Variants in LRRC47 observed in about 807,000 individuals in gnomAD.
LRRC47 encodes leucine-rich repeat-containing protein 47.
In LRRC47, 31 loss-of-function variants were observed where a neutral mutation model predicts 40.9. The ratio of observed to expected loss-of-function variants is 0.76; its 90% CI spans 0.57 to 1.02. The LOEUF (loss-of-function observed/expected upper bound fraction) is 1.02, where lower values mean the gene tolerates loss of function less well. Among genes scored for constraint, LRRC47 ranks in the 50% least tolerant of loss-of-function variants. The pLI, the probability that LRRC47 is intolerant of heterozygous loss-of-function variation, is 0.00. For synonymous variants in LRRC47, 427 were observed against 371.9 expected (o/e 1.15, Z -1.70); for missense variants, 726 against 796.1 (o/e 0.91, Z 1.06).
At chr1:3,792,852 G>C (rs1293290788) in intron 1 of LRRC47, among the ~76,000 whole-genome samples, 1 of 152,220 alleles carries the variant, frequency 6.6e-6, no homozygotes, top group Admixed American at 6.5e-5. Flanking sequence ...ACAATGTTAA[G>C]ATACATGCCT....
chr1:3,786,462 C>T (rs577657232), intron 2 of LRRC47, among the ~76,000 whole-genome samples: 9 of 152,098 alleles, frequency 5.9e-5, no homozygotes, highest in East Asian at 1.9e-4. Context: ...ACTGCGCCAC[C>T]GTACTCCAGC....
intron 4 of LRRC47, chr1:3,783,773 C>T (rs533883620): frequency 1.1e-4 from 59 of 553,392 alleles, no homozygotes; most frequent in Middle Eastern, 9.7e-4. Flanking sequence ...CCAATACCTC[C>T]GCTCCTAACA....
intron 1 of LRRC47, 62 bp downstream of exon 1, chr1:3,795,800 G>A: frequency 1.4e-6 from 2 of 1,451,274 alleles, no homozygotes; most frequent in Non-Finnish European, 1.8e-6. Flanking sequence ...CCCCGAGAGG[G>A]GTTCCTTCTC....
At chr1:3,792,276 A>G (rs1643633515) in intron 1 of LRRC47, among the ~76,000 whole-genome samples, 1 of 152,222 alleles carries the variant, frequency 6.6e-6, no homozygotes, top group South Asian at 2.1e-4. Context: ...TCCAAGAAAC[A>G]GGTCTCCTGA....
At position 3,796,108 on chromosome 1, in the gene LRRC47, G is replaced by A. The variant is rs1051737882; in HGVS notation, c.369C>T (p.Ala123=). Residue 123 remains alanine (A), a synonymous_variant, in exon 1 of 7, where the codon GCC becomes GCT. Transcript: ENST00000378251. ...GCAGCTGCGGAAGGCCCGGCGGCTCGGCGGGGCCCAGGCCTTGGCCCGGCG... is the reference window on the plus strand; with the variant it reads ...GCAGCTGCGGAAGGCCCGGCGGCTCAGCGGGGCCCAGGCCTTGGCCCGGCG... ...ALPPGQGLGP[A]EPPGLPQLQS... is the part of the protein sequence containing the mutation. 4 of 1,463,416 alleles carry A rather than the reference G, an allele frequency of 2.7e-6. No individual in the cohort carries two copies. The highest frequency in any genetic ancestry group is 1.5e-5 in the African/African-American group (1 of 67,712). The allele number at this position is 1,463,416 out of a possible 1,614,324, so 90.7% of individuals were successfully genotyped here. A position where few individuals can be genotyped will look rare whatever the true frequency, so the allele number is the denominator to read the frequency against.
intron 3 of LRRC47, 188 bp from the exon 4 acceptor site, chr1:3,784,299 C>T (rs1643549849): frequency 1.0e-5 from 6 of 584,324 alleles, no homozygotes; most frequent in Admixed American, 5.9e-5. Context: ...TGCAGCGTCC[C>T]GGGGAGACCT....
rs183621935 is a variant in LRRC47 at position 3,790,718 on chromosome 1, G to C, written c.616-3408C>G. Among the ~76,000 whole-genome samples, 409 of 152,366 alleles carry C rather than the reference G, an allele frequency of 2.7e-3. 2 individuals are homozygous for C. The highest frequency in any genetic ancestry group is 9.4e-3 in the African/African-American group (390 of 41,588). The stretch of plus-strand genomic sequence containing the variant: ...ACTGCTGAGGCCATAGGACAGCAGA[G>C]GCCTCGTCCCCAGTGGCTGGGAGGA... On this transcript the variant is annotated intron_variant, in intron 1 of 6. Transcript: ENST00000378251.
chr1:3,782,080 C>T (rs1339346050), intron 5 of LRRC47, among the ~76,000 whole-genome samples: 5 of 152,176 alleles, frequency 3.3e-5, no homozygotes, highest in African/African-American at 2.4e-5. Flanking sequence ...CACGCAGCAC[C>T]GAGCATGAAC....
intron 3 of LRRC47, 50 bp from the exon 4 acceptor site, chr1:3,784,161 C>T (rs376296720): frequency 4.4e-5 from 66 of 1,498,618 alleles, no homozygotes; most frequent in South Asian, 7.1e-5. Context: ...CCACAGAACT[C>T]GCCCATCGTG....
In LRRC47 at chr1:3,785,453, T is replaced by G. The variant is rs187751852; in HGVS notation, c.1078-250A>C. On this transcript the variant is annotated intron_variant, in intron 2 of 6. Transcript: ENST00000378251. ...CCTATCAATCAGCAGACTTTCTTCC[T>G]TCTCTAATTCTGACATAATATTTGA... The G allele has an allele frequency of 1.6e-4, 32 of 204,454 alleles. No individual in the cohort carries two copies. The South Asian group carries it at 3.1e-3, about 20-fold the overall frequency. 12.7% of individuals were successfully genotyped at this position (204,454 alleles called of 1,614,324 possible).
chr1:3,782,525 C>T (rs914784459), intron 5 of LRRC47, 136 bp downstream of exon 5: 29 of 650,562 alleles, frequency 4.5e-5, no homozygotes, highest in Non-Finnish European at 8.0e-5. Context: ...AACTCCTGAC[C>T]TCAGGTGATC....
At position 3,786,938 on chromosome 1, in the gene LRRC47, G is replaced by A. The variant is rs542812217; in HGVS notation, c.988C>T (p.Arg330Trp). Residue 330 changes from arginine (R) to tryptophan (W), a missense_variant, in exon 2 of 7, where the codon CGG (arginine) becomes TGG (tryptophan). Arg to Trp is a moderately radical substitution (Grantham distance 101). Coordinates refer to ENST00000378251, the MANE Select transcript of LRRC47 (RefSeq NM_020710.3). ...CCCACAATGTAGGGCCGCACATCCCGGACCTCGGGGCTCACTCTGACTGTC... is the reference window on the plus strand; with the variant it reads ...CCCACAATGTAGGGCCGCACATCCCAGACCTCGGGGCTCACTCTGACTGTC... ...PLTVRVSPEVRDVRPYIVGAV... is the reference protein window; with the variant it reads ...PLTVRVSPEVWDVRPYIVGAV... 58 of 1,608,840 alleles carry A rather than the reference G, an allele frequency of 3.6e-5. 1 individual carries two copies. Among genetic ancestry groups the A allele is most frequent in the African/African-American group, 6.7e-5 (5 of 74,884 alleles).
chr1:3,792,316 G>A (rs1050856115), intron 1 of LRRC47, among the ~76,000 whole-genome samples: 2 of 152,146 alleles, frequency 1.3e-5, no homozygotes, highest in Non-Finnish European at 1.5e-5. Context: ...TAAAATTTAC[G>A]AACAGAATGG....
intron 3 of LRRC47, 38 bp downstream of exon 3, chr1:3,785,047 GGA>G: frequency 6.8e-7 from 1 of 1,475,980 alleles, no homozygotes; most frequent in East Asian, 2.5e-5. Flanking sequence ...TCGACACCAA[GGA>G]GACTCTTCAG....
At chr1:3,790,612 C>T (rs758134542) in intron 1 of LRRC47, among the ~76,000 whole-genome samples, 9 of 152,246 alleles carry the variant, frequency 5.9e-5, no homozygotes, top group African/African-American at 2.2e-4. Flanking sequence ...GAGGGCCGGC[C>T]GGGTGCTCTC....
intron 1 of LRRC47, 73 bp from the exon 2 acceptor site, chr1:3,787,383 A>AG (rs1305857814): frequency 2.1e-5 from 30 of 1,419,334 alleles, no homozygotes; most frequent in Non-Finnish European, 2.5e-5. Context: ...CTCGAGAGGC[A>AG]GGGAGACCAC....
At position 3,796,382 on chromosome 1, in the gene LRRC47, T is replaced by C; in HGVS notation, c.95A>G (p.Glu32Gly). 6.6e-7 allele frequency: 1 copy of C among 1,514,104 alleles called. No individual in the cohort carries two copies. The highest frequency in any genetic ancestry group is 8.8e-7 in the Non-Finnish European group (1 of 1,138,958). The allele number at this position is 1,514,104 out of a possible 1,614,324, so 93.8% of individuals were successfully genotyped here. Residue 32 changes from glutamate to glycine, a missense_variant, in exon 1 of 7, where the codon GAG becomes GGG. Glu to Gly is a moderately conservative substitution (Grantham distance 98, BLOSUM62 -2). Coordinates refer to ENST00000378251, the MANE Select transcript of LRRC47 (RefSeq NM_020710.3). The stretch of plus-strand genomic sequence containing the variant: ...CCCACCCGCCGCCCGCACTCGCTCC[T>C]CCAGCCCGGGCCCCGTCAGCAGCAG... Reference protein sequence around the residue: ...RELLLTGPGLEERVRAAGGQL... With the variant: ...RELLLTGPGLGERVRAAGGQL...
chr1:3,788,171 G>A (rs1205080940), intron 1 of LRRC47, among the ~76,000 whole-genome samples: 2 of 152,248 alleles, frequency 1.3e-5, no homozygotes, highest in Non-Finnish European at 2.9e-5. Flanking sequence ...GGCGGCCGCT[G>A]CAGGTTCAGG....
intron 1 of LRRC47, among the ~76,000 whole-genome samples, 199 bp downstream of exon 1, chr1:3,795,663 G>A (rs549894619): frequency 6.6e-6 from 1 of 152,372 alleles, no homozygotes; most frequent in South Asian, 2.1e-4. Flanking sequence ...GGTGTGGCCA[G>A]GAGAAGGGGG....
Sources: gnomAD v4.1 joint callset for allele counts (sites outside exome capture counted in the v4.1 genomes callset) on GRCh38, gnomAD v4.1.1 for gene constraint, MANE v1.5 for transcripts, NCBI Gene and HGNC (gene_info 2026-07-23, HGNC 2026-07-21) for gene names.